Variants in ASTN2 observed in about 807,000 individuals in gnomAD.
ASTN2 encodes the protein astrotactin 2.
In ASTN2, 54 loss-of-function variants were observed where a neutral mutation model predicts 139.8. The observed-to-expected ratio is 0.39, with a 90% CI of 0.31 to 0.48. ASTN2 has a LOEUF of 0.48. ASTN2 is among the 20% of genes least tolerant of loss of function. The pLI is 0.95. For synonymous variants in ASTN2, 756 were observed against 719.5 expected (o/e 1.05, Z -0.81); for missense variants, 1,565 against 1,725.1 (o/e 0.91, Z 1.64).
chr9:116,936,181 G>GCACCACAACCATCACCA (rs1835072315), intron 10 of ASTN2, among the ~76,000 whole-genome samples: 1 of 68,466 alleles, frequency 1.5e-5, no homozygotes, highest in Non-Finnish European at 2.4e-5. Flanking sequence ...CAACACCATC[G>GCACCACAACCATCACCA]CCACCACCAG....
chr9:117,178,171 TCTTGA>T (rs1475213943), intron 3 of ASTN2, among the ~76,000 whole-genome samples: 1 of 152,184 alleles, frequency 6.6e-6, no homozygotes, highest in Non-Finnish European at 1.5e-5. Flanking sequence ...CTCTACTCCA[TCTTGA>T]CCCTTATCTC....
At chr9:117,375,402 A>G (rs896089699) in intron 1 of ASTN2, among the ~76,000 whole-genome samples, 9 of 152,194 alleles carry the variant, frequency 5.9e-5, no homozygotes, top group African/African-American at 2.2e-4. Context: ...GACTACACAA[A>G]GCTCATCAAA....
chr9:116,510,025 T>C (rs1215459897), intron 19 of ASTN2, among the ~76,000 whole-genome samples: 2 of 152,208 alleles, frequency 1.3e-5, no homozygotes, highest in African/African-American at 4.8e-5. Flanking sequence ...ATCCCATTTG[T>C]CATTTTTGGC....
chr9:116,960,148 ACT>A (rs1835835424), intron 10 of ASTN2, among the ~76,000 whole-genome samples: 1 of 150,354 alleles, frequency 6.7e-6, no homozygotes, highest in South Asian at 2.1e-4. Context: ...ACCTTGCCTG[ACT>A]CTCTGCCAGT....
At chr9:116,500,999 T>C (rs911113105) in intron 19 of ASTN2, among the ~76,000 whole-genome samples, 8 of 152,174 alleles carry the variant, frequency 5.3e-5, no homozygotes, top group African/African-American at 1.9e-4. Flanking sequence ...TGTCCCAAGA[T>C]TAAAAACAGC....
intron 3 of ASTN2, among the ~76,000 whole-genome samples, chr9:117,163,052 C>T (rs1431293019): frequency 1.3e-5 from 2 of 152,022 alleles, no homozygotes; most frequent in African/African-American, 4.8e-5. Flanking sequence ...GTCAACCTTT[C>T]CTGCTCCTCA....
intron 16 of ASTN2, among the ~76,000 whole-genome samples, chr9:116,693,533 A>T (rs2132057533): frequency 6.6e-6 from 1 of 152,040 alleles, no homozygotes. Flanking sequence ...ATGTGCTAGT[A>T]CAGTATGGTA....
intron 16 of ASTN2, among the ~76,000 whole-genome samples, chr9:116,667,465 T>C (rs879108311): frequency 3.3e-5 from 5 of 152,254 alleles, no homozygotes; most frequent in South Asian, 2.1e-4. Context: ...AAAAAACAAA[T>C]TGCAGATAAG....
intron 18 of ASTN2, among the ~76,000 whole-genome samples, chr9:116,619,344 C>T (rs577087018): frequency 3.3e-5 from 5 of 152,128 alleles, no homozygotes; most frequent in South Asian, 4.2e-4. Context: ...TCTGGCCCTT[C>T]GCATATGCTG....
chr9:116,896,597 G>A (rs1833884481), intron 10 of ASTN2, among the ~76,000 whole-genome samples: 1 of 152,140 alleles, frequency 6.6e-6, no homozygotes, highest in Non-Finnish European at 1.5e-5. Flanking sequence ...GGGATTACAG[G>A]CATGAGCTGC....
chr9:117,352,350 C>G (rs1829416647), intron 1 of ASTN2, among the ~76,000 whole-genome samples: 1 of 152,172 alleles, frequency 6.6e-6, no homozygotes, highest in African/African-American at 2.4e-5. Context: ...ATCTGCATCC[C>G]AAAACTTGTG....
At chr9:116,687,131 G>A in intron 16 of ASTN2, 1 of 1,097,550 alleles carries the variant, frequency 9.1e-7, no homozygotes, top group Non-Finnish European at 1.1e-6. Context: ...CCAAGGAGAC[G>A]GAAAACTGGA....
At chr9:116,443,872 G>T (rs776335612) in intron 20 of ASTN2, among the ~76,000 whole-genome samples, 7 of 152,038 alleles carry the variant, frequency 4.6e-5, no homozygotes, top group Admixed American at 2.0e-4. Context: ...CTCCTCCCTT[G>T]CATCTCAAAT....
rs543902665 is a variant in ASTN2 at position 117,105,119 on chromosome 9, C to T, written c.1169-8968G>A. 5.9e-5 allele frequency among the ~76,000 whole-genome samples: 9 copies of T among 152,194 alleles called. No homozygotes were observed. The South Asian group carries it at 6.2e-4, about 11-fold the overall frequency. The stretch of plus-strand genomic sequence containing the variant: ...GCCTTATCTTTTGCAATGAGACCTT[C>T]GCCACACCCCCATCAAAGGCAGAGT... On this transcript the variant is annotated intron_variant, in intron 4 of 22. Transcript: ENST00000313400.
At chr9:117,308,248 T>TCAAA (rs796971338) in intron 1 of ASTN2, among the ~76,000 whole-genome samples, 27 of 138,840 alleles carry the variant, frequency 1.9e-4, no homozygotes, top group South Asian at 4.6e-4. Flanking sequence ...AATCAATCAA[T>TCAAA]CAAACAAACA....
At chr9:117,241,927 C>CG (rs1477027139) in intron 2 of ASTN2, among the ~76,000 whole-genome samples, 2 of 146,352 alleles carry the variant, frequency 1.4e-5, no homozygotes, top group Admixed American at 6.7e-5. Flanking sequence ...GCAAGTTACC[C>CG]CCCCCCACAC....
chr9:117,224,894 T>C (rs1023495577), intron 2 of ASTN2, among the ~76,000 whole-genome samples: 1 of 152,216 alleles, frequency 6.6e-6, no homozygotes, highest in Non-Finnish European at 1.5e-5. Flanking sequence ...CTCATGCTTT[T>C]GTCTGCCAGA....
intron 1 of ASTN2, among the ~76,000 whole-genome samples, chr9:117,365,257 CAGAG>C (rs1460827098): frequency 1.7e-5 from 2 of 116,138 alleles, no homozygotes; most frequent in African/African-American, 3.2e-5. Flanking sequence ...GAGAGAGAAA[CAGAG>C]AGAAAAAAAG....
chr9:116,553,143 T>C (rs1427218863), intron 19 of ASTN2, among the ~76,000 whole-genome samples: 1 of 152,084 alleles, frequency 6.6e-6, no homozygotes, highest in Non-Finnish European at 1.5e-5. Context: ...TTTCTTCTTC[T>C]TTTTTTAATG....
Sources: allele counts gnomAD v4.1 joint callset (sites outside exome capture counted in the v4.1 genomes callset), GRCh38; gene constraint gnomAD v4.1.1; transcripts MANE v1.5; gene names NCBI Gene and HGNC (gene_info 2026-07-23, HGNC 2026-07-21).